INPP5F: variants seen among roughly 807,000 people sequenced by gnomAD.
The protein encoded by INPP5F is phosphatidylinositide 4-phosphatase SAC2.
Under a neutral mutation model 137.2 loss-of-function variants are expected in INPP5F, and 97 were observed. The ratio of observed to expected loss-of-function variants is 0.71; its 90% CI spans 0.60 to 0.84. The LOEUF (loss-of-function observed/expected upper bound fraction) is 0.84, where lower values mean the gene tolerates loss of function less well. Among genes scored for constraint, INPP5F ranks in the 40% least tolerant of loss-of-function variants. The pLI is 0.00. For missense variants in INPP5F, 1,271 were observed against 1,371.9 expected, an observed-to-expected ratio of 0.93 and a Z score of 1.16; for synonymous variants, 504 against 476.9, an observed-to-expected ratio of 1.06 and a Z score of -0.74.
chr10:119,740,779 C>T (rs901183790), intron 1 of INPP5F, among the ~76,000 whole-genome samples: 7 of 152,084 alleles, frequency 4.6e-5, no homozygotes, highest in African/African-American at 7.2e-5. Context: ...CTGACCTCAT[C>T]ATCCTCCTGC....
At chr10:119,731,030 G>T (rs184487738) in intron 1 of INPP5F, among the ~76,000 whole-genome samples, 5 of 151,702 alleles carry the variant, frequency 3.3e-5, no homozygotes, top group African/African-American at 1.2e-4. Context: ...CTCGTGATCC[G>T]CCCGCCTCTG....
At chr10:119,813,341 C>A (rs995325110) in intron 15 of INPP5F, among the ~76,000 whole-genome samples, 7 of 152,146 alleles carry the variant, frequency 4.6e-5, no homozygotes, top group African/African-American at 1.7e-4. Context: ...TTATTTCTGG[C>A]AATTATATTA....
At chr10:119,795,154 C>T (rs878998885) in intron 6 of INPP5F, among the ~76,000 whole-genome samples, 14 of 138,826 alleles carry the variant, frequency 1.0e-4, no homozygotes, top group African/African-American at 2.2e-4. Context: ...CCCTCCCAGA[C>T]GGGGCGGCTG....
intron 2 of INPP5F, among the ~76,000 whole-genome samples, chr10:119,773,726 G>A (rs1849433851): frequency 6.6e-6 from 1 of 151,926 alleles, no homozygotes; most frequent in African/African-American, 2.4e-5. Context: ...CCAATGTTGG[G>A]TTTCACTCTG....
chr10:119,791,419 G>C, intron 3 of INPP5F, 98 bp from the exon 4 acceptor site: 1 of 916,056 alleles, frequency 1.1e-6, no homozygotes, highest in Non-Finnish European at 1.7e-6. Flanking sequence ...GAAGTTTACT[G>C]TTAATCAGAA....
intron 9 of INPP5F, among the ~76,000 whole-genome samples, chr10:119,798,986 A>G (rs554866346): frequency 7.8e-4 from 118 of 152,162 alleles, no homozygotes; most frequent in African/African-American, 2.8e-3. Context: ...ATTGCTATCA[A>G]TTAATTATAA....
intron 3 of INPP5F, among the ~76,000 whole-genome samples, chr10:119,788,191 C>T (rs1041904992): frequency 1.4e-4 from 21 of 152,002 alleles, no homozygotes; most frequent in East Asian, 7.7e-4. Flanking sequence ...GCAGGTGTTG[C>T]GCAGTTCTAG....
At chr10:119,733,349 G>A (rs947174789) in intron 1 of INPP5F, among the ~76,000 whole-genome samples, 5 of 152,184 alleles carry the variant, frequency 3.3e-5, no homozygotes. Flanking sequence ...TCCAGCTACG[G>A]TCAGTTGATC....
chr10:119,743,122 C>T (rs77168852), intron 1 of INPP5F, among the ~76,000 whole-genome samples: 7,594 of 152,300 alleles, frequency 0.05, 229 homozygotes, highest in Middle Eastern at 0.075. Flanking sequence ...CTCAAATAGA[C>T]CAGATGAGAT....
At chr10:119,799,334 CA>C (rs1212017400) in intron 9 of INPP5F, 2 of 435,272 alleles carry the variant, frequency 4.6e-6, no homozygotes, top group Non-Finnish European at 9.2e-6. Context: ...TAGGAAGAAA[CA>C]GCCTAAAATA....
chr10:119,745,599 CT>C (rs11286493), intron 1 of INPP5F, among the ~76,000 whole-genome samples: 133,056 of 151,900 alleles, frequency 0.88, 58,350 homozygotes, highest in Middle Eastern at 0.91. Context: ...GTAAGGTTTC[CT>C]TAGTTACATC....
intron 2 of INPP5F, among the ~76,000 whole-genome samples, chr10:119,765,781 GTGTA>G (rs1254009722): frequency 5.9e-4 from 78 of 131,260 alleles, no homozygotes; most frequent in African/African-American, 1.8e-3. Context: ...GTGTGTGTGT[GTGTA>G]TAGTGTATAT....
intron 1 of INPP5F, among the ~76,000 whole-genome samples, chr10:119,740,940 C>T (rs551216613): frequency 1.3e-5 from 2 of 152,318 alleles, no homozygotes; most frequent in African/African-American, 4.8e-5. Flanking sequence ...CATTTCTCAA[C>T]TTGATGTGAA....
intron 3 of INPP5F, 100 bp from the exon 4 acceptor site, chr10:119,791,417 C>A: frequency 1.1e-6 from 1 of 885,156 alleles, no homozygotes; most frequent in Non-Finnish European, 1.8e-6. Context: ...TTGAAGTTTA[C>A]TGTTAATCAG....
chr10:119,767,107 G>GAAAAAAAAAAAAAAAAAAAAAAA (rs35875262), intron 2 of INPP5F, among the ~76,000 whole-genome samples: 3 of 40,542 alleles, frequency 7.4e-5, no homozygotes, highest in Admixed American at 8.8e-4. Flanking sequence ...TCTGTCTCCA[G>GAAAAAAAAAAAAAAAAAAAAAAA]AAAAAAAAAA....
Position 119,804,268 on chromosome 10 carries a change from T to G in INPP5F, c.1212T>G (p.Thr404=). Residue 404 remains threonine (T), a synonymous_variant, in exon 10 of 20, where the codon ACT becomes ACG. Coordinates refer to ENST00000650623, the MANE Select transcript of INPP5F (RefSeq NM_014937.4). ...QVLLFNNSHL[T]YVSFDFHEHC... Reference sequence around the variant, plus strand: ...TGCTTTTCAACAACTCACACCTCACTTACGTTTCGTTTGACTTCCATGAGC... The same window carrying G: ...TGCTTTTCAACAACTCACACCTCACGTACGTTTCGTTTGACTTCCATGAGC... 1 of 1,612,118 alleles carries G rather than the reference T, an allele frequency of 6.2e-7. No homozygotes were observed. Among genetic ancestry groups the G allele is most frequent in the Non-Finnish European group, 8.5e-7 (1 of 1,179,512 alleles).
rs766944021 is a variant in INPP5F, at chr10:119,811,836, G to A, written c.1767G>A (p.Lys589=). The part of the protein sequence containing the change: ...TKEKEHEALH[K]ENQRSHQELI... The stretch of plus-strand genomic sequence containing the variant: ...AGAAAGAACATGAAGCTTTGCATAA[G>A]GAAAATCAGAGAAGCCACCAGGAAC... The change falls in exon 15 of 20, where the codon AAG becomes AAA. Residue 589 remains lysine (K), a synonymous_variant. Transcript: ENST00000650623. 19 of 1,613,998 alleles carry A rather than the reference G, an allele frequency of 1.2e-5. No individual in the cohort carries two copies. The highest frequency in any genetic ancestry group is 6.7e-5 in the East Asian group (3 of 44,896).
At chr10:119,823,027 T>G (rs376332589) in intron 17 of INPP5F, 44 bp from the exon 18 acceptor site, 1 of 1,552,668 alleles carries the variant, frequency 6.4e-7, no homozygotes, top group South Asian at 1.2e-5. Flanking sequence ...AAGAAAATGT[T>G]ATGTGAAACA....
intron 2 of INPP5F, among the ~76,000 whole-genome samples, chr10:119,771,637 G>A (rs12771043): frequency 6.6e-6 from 1 of 151,310 alleles, no homozygotes; most frequent in Non-Finnish European, 1.5e-5. Context: ...CTTCCCAAGT[G>A]TATAGACTAC....
Sources: allele counts gnomAD v4.1 joint callset (sites outside exome capture counted in the v4.1 genomes callset), GRCh38; gene constraint gnomAD v4.1.1; transcripts MANE v1.5; gene names NCBI Gene and HGNC (gene_info 2026-07-23, HGNC 2026-07-21).